CSMD1: variants seen among roughly 807,000 people sequenced by gnomAD.
CSMD1 encodes CUB and sushi domain-containing protein 1.
A neutral mutation model predicts 417.5 loss-of-function variants in CSMD1; 213 were observed. The observed-to-expected ratio is 0.51, with a 90% CI of 0.46 to 0.57. CSMD1 has a LOEUF of 0.57. Among genes scored for constraint, CSMD1 ranks in the 20% least tolerant of loss-of-function variants. The pLI is 0.00. For missense variants in CSMD1, 6,923 were observed against 4,529.7 expected (o/e 1.53, Z -15.17); for synonymous variants, 2,862 against 1,736.8 (o/e 1.65, Z -16.11).
At chr8:4,354,810 G>C (rs529357649) in intron 3 of CSMD1, among the ~76,000 whole-genome samples, 1 of 150,784 alleles carries the variant, frequency 6.6e-6, no homozygotes, top group East Asian at 2.0e-4. Context: ...ATCAAACTTA[G>C]TATTATACCT....
intron 3 of CSMD1, among the ~76,000 whole-genome samples, chr8:4,140,097 A>G (rs1265694862): frequency 6.6e-6 from 1 of 151,112 alleles, no homozygotes; most frequent in Non-Finnish European, 1.5e-5. Flanking sequence ...TCATGCCTAT[A>G]GTCCTAACAC....
intron 1 of CSMD1, among the ~76,000 whole-genome samples, chr8:4,927,405 C>T (rs1674702180): frequency 6.6e-6 from 1 of 152,026 alleles, no homozygotes; most frequent in South Asian, 2.1e-4. Flanking sequence ...GCCAAACTGC[C>T]CCAGCAACTG....
At chr8:4,007,849 G>A (rs1401820371) in intron 4 of CSMD1, among the ~76,000 whole-genome samples, 2 of 152,074 alleles carry the variant, frequency 1.3e-5, no homozygotes, top group African/African-American at 2.4e-5. Context: ...AAGAATAGAA[G>A]AAGAAAAGTT....
At chr8:4,234,274 G>T (rs1044622397) in intron 3 of CSMD1, among the ~76,000 whole-genome samples, 21 of 152,260 alleles carry the variant, frequency 1.4e-4, no homozygotes, top group East Asian at 1.9e-4. Context: ...AGACTTACAC[G>T]AAGTGATCTA....
intron 7 of CSMD1, among the ~76,000 whole-genome samples, chr8:3,650,526 C>T (rs978758413): frequency 2.6e-5 from 4 of 152,180 alleles, no homozygotes; most frequent in African/African-American, 2.4e-5. Flanking sequence ...TCATTCTCTA[C>T]TCAGGCTCCT....
intron 1 of CSMD1, among the ~76,000 whole-genome samples, chr8:4,703,143 G>T (rs978526263): frequency 3.3e-5 from 5 of 152,256 alleles, no homozygotes; most frequent in African/African-American, 1.2e-4. Context: ...ATATCTGGCA[G>T]AAAAAAGTAT....
chr8:3,779,792 C>A (rs1328801452), intron 5 of CSMD1, among the ~76,000 whole-genome samples: 1 of 152,170 alleles, frequency 6.6e-6, no homozygotes, highest in Non-Finnish European at 1.5e-5. Flanking sequence ...AGAAGATTAA[C>A]ATCCAGAAAT....
At chr8:3,122,025 T>C (rs1302219041) in intron 41 of CSMD1, among the ~76,000 whole-genome samples, 6 of 152,118 alleles carry the variant, frequency 3.9e-5, no homozygotes, top group African/African-American at 1.4e-4. Context: ...TTACTTTCAA[T>C]GGCAAAAACC....
intron 12 of CSMD1, among the ~76,000 whole-genome samples, chr8:3,449,227 T>C (rs1585180874): frequency 6.6e-6 from 1 of 152,212 alleles, no homozygotes; most frequent in East Asian, 1.9e-4. Flanking sequence ...ACCTGAAGAA[T>C]TGTAGAGGGA....
rs528051466 is a variant in CSMD1, at chr8:4,627,429, G to A, written c.302+9913C>T. On this transcript the variant is annotated intron_variant, in intron 2 of 69. Coordinates refer to ENST00000635120, the MANE Select transcript of CSMD1 (RefSeq NM_033225.6). ...AACTATTTCAACAAACTACTTCTGT[G>A]GATTTGATACCTGAAGAAAAAAGAA... 8.6e-5 allele frequency among the ~76,000 whole-genome samples: 13 copies of A among 151,988 alleles called. No individual in the cohort carries two copies. In the South Asian group the frequency reaches 2.7e-3, roughly 32 times the overall value.
chr8:3,963,349 G>A (rs4875799), intron 5 of CSMD1, among the ~76,000 whole-genome samples: 2 of 152,160 alleles, frequency 1.3e-5, no homozygotes, highest in African/African-American at 2.4e-5. Context: ...TGGAAAGAAC[G>A]TGTGGTGTTT....
Position 3,108,604 on chromosome 8 carries a change from G to C in CSMD1, c.6753C>G (p.His2251Gln), listed in dbSNP as rs34074837. 1.9e-6 allele frequency: 3 copies of C among 1,613,366 alleles called. No homozygotes were observed. In the African/African-American group the frequency reaches 4.0e-5, roughly 22 times the overall value. ...CTAACGGAGTGAAAATCAACTGACC[G>C]TGGAAATTGAGGACAAAGAAGCCTC... ...SNGGFFVLNF[H>Q]AFQLKKCQPP... The change falls in exon 44 of 70, where the codon CAC becomes CAG. Residue 2251 changes from histidine to glutamine, a missense_variant and splice_region_variant. Transcript: ENST00000635120.
chr8:3,318,195 A>G, intron 23 of CSMD1, among the ~76,000 whole-genome samples: 1 of 152,190 alleles, frequency 6.6e-6, no homozygotes, highest in East Asian at 1.9e-4. Context: ...TTCTATTTTT[A>G]TTTATGAAAT....
chr8:3,349,359 G>A (rs553988513), intron 21 of CSMD1, among the ~76,000 whole-genome samples: 14 of 152,246 alleles, frequency 9.2e-5, no homozygotes, highest in Admixed American at 4.6e-4. Flanking sequence ...TTGCCAGCAG[G>A]AAGTTGCTAG....
rs1226290841 is a variant in CSMD1 at position 2,965,869 on chromosome 8, C to T, written c.9186G>A (p.Gln3062=). The change falls in exon 59 of 70, where the codon CAG becomes CAA. Residue 3062 remains glutamine, a synonymous_variant. Transcript: ENST00000635120. ...DFTFNKTVSY[Q]CNPGYVMEAV... ...CTTCCATGACATAGCCTGGGTTACACTGATAGCTCACAGTCTTGTTGAAGG... is the reference window on the plus strand; with the variant it reads ...CTTCCATGACATAGCCTGGGTTACATTGATAGCTCACAGTCTTGTTGAAGG... 2.5e-6 allele frequency: 4 copies of T among 1,610,130 alleles called. No homozygotes were observed. The highest frequency in any genetic ancestry group is 1.1e-5 in the South Asian group (1 of 89,974).
chr8:4,234,204 G>A (rs538467779), intron 3 of CSMD1, among the ~76,000 whole-genome samples: 7 of 152,176 alleles, frequency 4.6e-5, no homozygotes, highest in Non-Finnish European at 1.0e-4. Context: ...AAGATGAACA[G>A]AAAAGACATC....
chr8:3,551,451 G>C (rs75551975), intron 10 of CSMD1, among the ~76,000 whole-genome samples: 1 of 151,884 alleles, frequency 6.6e-6, no homozygotes, highest in Non-Finnish European at 1.5e-5. Context: ...GACAGCTAAG[G>C]AGAAAAGAAC....
intron 5 of CSMD1, among the ~76,000 whole-genome samples, chr8:3,910,784 A>G (rs1584950424): frequency 6.6e-6 from 1 of 152,200 alleles, no homozygotes; most frequent in Admixed American, 6.5e-5. Context: ...TCCAGAGTAC[A>G]TTATTACAAA....
chr8:3,284,817 C>G (rs1009640403), intron 25 of CSMD1, among the ~76,000 whole-genome samples: 2 of 152,216 alleles, frequency 1.3e-5, no homozygotes, highest in Non-Finnish European at 2.9e-5. Flanking sequence ...ACGACCTTTT[C>G]TACCTGTGTC....
Sources: allele counts gnomAD v4.1 joint callset (sites outside exome capture counted in the v4.1 genomes callset), GRCh38; gene constraint gnomAD v4.1.1; transcripts MANE v1.5; gene names NCBI Gene and HGNC (gene_info 2026-07-23, HGNC 2026-07-21).